The following GNB5 variants were observed in gnomAD, a reference collection of about 807,000 sequenced individuals.
GNB5 encodes guanine nucleotide-binding protein subunit beta-5.
Under a neutral mutation model 55.3 loss-of-function variants are expected in GNB5, and 37 were observed. The ratio of observed to expected loss-of-function variants is 0.67; its 90% CI spans 0.51 to 0.88. GNB5 has a LOEUF of 0.88. GNB5 is among the 40% of genes least tolerant of loss of function. The probability of loss-of-function intolerance (pLI) is 0.00; values close to 1 mark genes in which losing one functional copy is unlikely to be tolerated. For missense variants in GNB5, 476 were observed against 515.3 expected (o/e 0.92, Z 0.74); for synonymous variants, 219 against 198.5 (o/e 1.10, Z -0.87).
In GNB5 at chr15:52,154,094, T is replaced by C. The variant is rs115888218; in HGVS notation, c.239-18A>G. On this transcript the variant is annotated intron_variant, in intron 3 of 12. Transcript: ENST00000261837. ...CTGGTGCACTGGAATGACAAGGCCA[T>C]AGTCAGTCCCCTTGCTAAGGACCAG... 1.2e-6 allele frequency: 2 copies of C among 1,611,420 alleles called. No individual in the cohort carries two copies. Among genetic ancestry groups the C allele is most frequent in the African/African-American group, 2.7e-5 (2 of 74,882 alleles).
intron 1 of GNB5, among the ~76,000 whole-genome samples, chr15:52,186,008 A>G (rs1258785715): frequency 6.6e-6 from 1 of 152,046 alleles, no homozygotes; most frequent in Non-Finnish European, 1.5e-5. Flanking sequence ...CAAACTCCTG[A>G]CCTCAAGTTA....
chr15:52,175,511 G>C (rs1242365825), intron 3 of GNB5, among the ~76,000 whole-genome samples: 1 of 152,150 alleles, frequency 6.6e-6, no homozygotes, highest in Non-Finnish European at 1.5e-5. Flanking sequence ...GGCTGAGGCG[G>C]GCAGATCACC....
At chr15:52,147,773 G>C (rs2034007868) in intron 5 of GNB5, among the ~76,000 whole-genome samples, 1 of 152,062 alleles carries the variant, frequency 6.6e-6, no homozygotes, top group African/African-American at 2.4e-5. Flanking sequence ...AGTAAAGATG[G>C]GGTTTCGCCA....
chr15:52,118,294 C>T lies in GNB5; in HGVS notation c.*4463G>A, dbSNP rs1441859895. ...TTCTCAAAGCAAGATCCAGGGCCCC[C>T]GAGGGTCCCTGAGACCCTTTCAGGG... On this transcript the variant is annotated 3_prime_UTR_variant, in exon 13 of 13. Transcript: ENST00000261837. The T allele has an allele frequency of 3.3e-5, 5 of 152,126 alleles. No individual in the cohort carries two copies. Among genetic ancestry groups the T allele is most frequent in the Non-Finnish European group, 7.3e-5 (5 of 68,040 alleles). The allele number at this position is 152,126 out of a possible 1,614,324, so 9.4% of individuals were successfully genotyped here.
chr15:52,172,962 C>T (rs1213171367), intron 3 of GNB5, among the ~76,000 whole-genome samples: 1 of 152,024 alleles, frequency 6.6e-6, no homozygotes, highest in East Asian at 1.9e-4. Context: ...TAAAAAAAAT[C>T]GGCACCTTTT....
chr15:52,128,552 C>T, intron 9 of GNB5: 1 of 585,696 alleles, frequency 1.7e-6, no homozygotes, highest in South Asian at 1.6e-5. Context: ...AAGACTTGGC[C>T]CAGAGCTCAG....
At position 52,139,775 on chromosome 15, in the gene GNB5, G is replaced by A. The variant is rs78426906; in HGVS notation, c.627+1365C>T. 2.6e-3 allele frequency: 3,125 copies of A among 1,218,532 alleles called. 75 individuals are homozygous for A. The Admixed American group carries it at 0.038, about 15-fold the overall frequency. The allele number at this position is 1,218,532 out of a possible 1,614,324, so 75.5% of individuals were successfully genotyped here. A position where few individuals can be genotyped will look rare whatever the true frequency, so the allele number is the denominator to read the frequency against. On this transcript the variant is annotated intron_variant, in intron 7 of 12. Coordinates refer to ENST00000261837, the MANE Select transcript of GNB5 (RefSeq NM_016194.4). ...CCAGCTGTGACTTCCCTTTATCTCC[G>A]GCTAAGCTGCTTGTTGGAAAAGAAA...
At chr15:52,135,836 C>A (rs879903593) in intron 7 of GNB5, 80 bp from the exon 8 acceptor site, 4 of 1,278,110 alleles carry the variant, frequency 3.1e-6, no homozygotes, top group African/African-American at 3.4e-5. Context: ...GCTTAACGTT[C>A]CGCAGGGAAA....
intron 5 of GNB5, 27 bp from the exon 6 acceptor site, chr15:52,147,562 T>A: frequency 8.0e-7 from 1 of 1,257,030 alleles, no homozygotes; most frequent in Non-Finnish European, 1.1e-6. Context: ...AGTGAACAAC[T>A]AGCACTTCCA....
chr15:52,115,586 C>T lies in GNB5; in HGVS notation c.*7171G>A, dbSNP rs561353518. Reference sequence around the variant, plus strand: ...GCAACGGTGACTATGCTCACTTGCCCCATTATCAGCCAAAACCAAAATGTG... The same window carrying T: ...GCAACGGTGACTATGCTCACTTGCCTCATTATCAGCCAAAACCAAAATGTG... On this transcript the variant is annotated 3_prime_UTR_variant, in exon 13 of 13. Transcript: ENST00000261837. The T allele has an allele frequency of 6.6e-6, 1 of 152,286 alleles. No individual in the cohort carries two copies. Among genetic ancestry groups the T allele is most frequent in the East Asian group, 1.9e-4 (1 of 5,188 alleles). The allele number at this position is 152,286 out of a possible 1,614,324, so 9.4% of individuals were successfully genotyped here. A position where few individuals can be genotyped will look rare whatever the true frequency, so the allele number is the denominator to read the frequency against.
intron 3 of GNB5, among the ~76,000 whole-genome samples, chr15:52,176,812 C>T (rs1222519517): frequency 6.6e-6 from 1 of 152,158 alleles, no homozygotes; most frequent in African/African-American, 2.4e-5. Flanking sequence ...CAGATCCATC[C>T]TCTCTCTCAA....
intron 11 of GNB5, chr15:52,125,682 G>C: frequency 3.1e-6 from 1 of 317,842 alleles, no homozygotes; most frequent in Non-Finnish European, 5.8e-6. Flanking sequence ...CATTGTGGAA[G>C]TGAATTTCTG....
intron 3 of GNB5, among the ~76,000 whole-genome samples, chr15:52,165,091 C>CTTGGT (rs1566945934): frequency 6.6e-6 from 1 of 151,962 alleles, no homozygotes; most frequent in Non-Finnish European, 1.5e-5. Flanking sequence ...GCTGAACAGA[C>CTTGGT]CAAGCATAGG....
At chr15:52,165,121 A>G (rs946261774) in intron 3 of GNB5, among the ~76,000 whole-genome samples, 1 of 152,194 alleles carries the variant, frequency 6.6e-6, no homozygotes, top group African/African-American at 2.4e-5. Flanking sequence ...CAGAGCTTGA[A>G]GACTATCTTT....
rs977627428 is a variant in GNB5, at chr15:52,117,102, A to ATTTTTTTTTTTTTT, written c.*5654_*5655insAAAAAAAAAAAAAA. 2 of 87,100 alleles carry ATTTTTTTTTTTTTT rather than the reference A, an allele frequency of 2.3e-5. No individual in the cohort carries two copies. Among genetic ancestry groups the ATTTTTTTTTTTTTT allele is most frequent in the African/African-American group, 1.2e-4 (2 of 16,420 alleles). The allele number at this position is 87,100 out of a possible 1,614,324, so 5.4% of individuals were successfully genotyped here. A position where few individuals can be genotyped will look rare whatever the true frequency, so the allele number is the denominator to read the frequency against. On this transcript the variant is annotated 3_prime_UTR_variant, in exon 13 of 13. Coordinates refer to ENST00000261837, the MANE Select transcript of GNB5 (RefSeq NM_016194.4). The stretch of plus-strand genomic sequence containing the variant: ...CCACGCCCAGCTAATATATATATAT[A>ATTTTTTTTTTTTTT]TTTTTTTTTAGTACAGACAGGGTTT...
In GNB5 at chr15:52,121,459, C is replaced by T. The variant is rs1301198100; in HGVS notation, c.*1298G>A. On this transcript the variant is annotated 3_prime_UTR_variant, in exon 13 of 13. Coordinates refer to ENST00000261837, the MANE Select transcript of GNB5 (RefSeq NM_016194.4). ...AGGGATCCTATAACAAAAAGCACTT[C>T]CTTCTTCTAGAAGGAATTCTGAGTC... 1.3e-5 allele frequency: 2 copies of T among 152,138 alleles called. No individual in the cohort carries two copies. The highest frequency in any genetic ancestry group is 2.9e-5 in the Non-Finnish European group (2 of 68,014). The allele number at this position is 152,138 out of a possible 1,614,324, so 9.4% of individuals were successfully genotyped here.
Position 52,140,835 on chromosome 15 carries a change from G to A in GNB5, c.627+305C>T, listed in dbSNP as rs562543696. Among the ~76,000 whole-genome samples the A allele has an allele frequency of 3.3e-5, 5 of 152,220 alleles. No homozygotes were observed. In the South Asian group the frequency reaches 1.0e-3, roughly 32 times the overall value. ...TTACACACGTTAGCACGCAGACCAG[G>A]GCACAGTAACTGCCTGCACCCCAGG... On this transcript the variant is annotated intron_variant, in intron 7 of 12. Transcript: ENST00000261837.
chr15:52,184,451 G>T (rs924233863), intron 2 of GNB5, 100 bp downstream of exon 2: 2 of 998,800 alleles, frequency 2.0e-6, no homozygotes, highest in East Asian at 2.4e-5. Flanking sequence ...ACTGAAAAGT[G>T]TGTGTTATAT....
chr15:52,177,749 G>A (rs972843677), intron 3 of GNB5, among the ~76,000 whole-genome samples: 1 of 152,064 alleles, frequency 6.6e-6, no homozygotes, highest in Non-Finnish European at 1.5e-5. Context: ...ACAGTGATAA[G>A]AACCTTCAAG....
Sources: allele counts gnomAD v4.1 joint callset (sites outside exome capture counted in the v4.1 genomes callset), GRCh38; gene constraint gnomAD v4.1.1; transcripts MANE v1.5; gene names NCBI Gene and HGNC (gene_info 2026-07-23, HGNC 2026-07-21).